AP1B1: variants seen among roughly 807,000 people sequenced by gnomAD.
AP1B1 encodes the protein AP-1 complex subunit beta-1.
In AP1B1, 36 loss-of-function variants were observed where a neutral mutation model predicts 104.3. The observed-to-expected ratio is 0.35, with a 90% CI of 0.26 to 0.46. The LOEUF is 0.46. AP1B1 is among the 20% of genes least tolerant of loss of function. The probability of loss-of-function intolerance (pLI) is 1.00; values close to 1 mark genes in which losing one functional copy is unlikely to be tolerated. For synonymous variants in AP1B1, 504 were observed against 517.5 expected, an observed-to-expected ratio of 0.97 and a Z score of 0.35; for missense variants, 901 against 1,247.9, an observed-to-expected ratio of 0.72 and a Z score of 4.19.
At chr22:29,345,464 C>G (rs2061778381) in intron 11 of AP1B1, among the ~76,000 whole-genome samples, 1 of 147,826 alleles carries the variant, frequency 6.8e-6, no homozygotes, top group African/African-American at 2.5e-5. Context: ...CTCAACTTCC[C>G]AGGCTCAAGC....
chr22:29,350,427 C>T (rs1221393154), intron 9 of AP1B1, among the ~76,000 whole-genome samples: 1 of 152,136 alleles, frequency 6.6e-6, no homozygotes, highest in East Asian at 1.9e-4. Context: ...TAAGTCAGGA[C>T]CTGAGGGCAA....
intron 1 of AP1B1, among the ~76,000 whole-genome samples, chr22:29,368,951 A>C (rs916219572): frequency 2.6e-5 from 4 of 151,956 alleles, no homozygotes; most frequent in African/African-American, 7.3e-5. Flanking sequence ...CAAAAAAAAA[A>C]CACATTGAGA....
intron 22 of AP1B1, 87 bp downstream of exon 22, chr22:29,329,625 C>T (rs2061526902): frequency 2.1e-5 from 34 of 1,595,290 alleles, no homozygotes; most frequent in Non-Finnish European, 2.8e-5. Flanking sequence ...AGATGAGGTG[C>T]AGACAGGAGA....
chr22:29,336,594 G>A (rs1031164612), intron 16 of AP1B1, among the ~76,000 whole-genome samples: 1 of 152,152 alleles, frequency 6.6e-6, no homozygotes, highest in African/African-American at 2.4e-5. Context: ...CTGAGGTCAC[G>A]AGTTCAAGAC....
intron 11 of AP1B1, among the ~76,000 whole-genome samples, chr22:29,343,324 C>T (rs1034346696): frequency 5.3e-5 from 8 of 152,184 alleles, no homozygotes; most frequent in Non-Finnish European, 8.8e-5. Context: ...GCAGGAAGCC[C>T]AGCAGCAGCC....
At chr22:29,373,576 AAGAGCCAAG>A (rs2062278185) in intron 1 of AP1B1, among the ~76,000 whole-genome samples, 1 of 152,118 alleles carries the variant, frequency 6.6e-6, no homozygotes, top group African/African-American at 2.4e-5. Context: ...CTGTACACTT[AAGAGCCAAG>A]CATGTCACTT....
At chr22:29,329,846 G>A (rs2061530648) in intron 21 of AP1B1, 126 bp from the exon 22 acceptor site, 2 of 1,526,282 alleles carry the variant, frequency 1.3e-6, no homozygotes, top group Non-Finnish European at 1.8e-6. Context: ...ACCCAGGAGG[G>A]GCAGTGTCTG....
chr22:29,381,563 G>T (rs983794520), intron 1 of AP1B1, among the ~76,000 whole-genome samples: 2 of 152,190 alleles, frequency 1.3e-5, no homozygotes, highest in Non-Finnish European at 2.9e-5. Context: ...AGATACATCT[G>T]CTCTGATTGT....
intron 1 of AP1B1, chr22:29,370,466 A>AAAAAAAAAGAAAGAAAG (rs532561379): frequency 6.7e-6 from 1 of 149,876 alleles, no homozygotes; most frequent in South Asian, 2.1e-4. Flanking sequence ...AAAAAAAAAA[A>AAAAAAAAAGAAAGAAAG]AAAGAAAGAA....
In AP1B1 at chr22:29,339,001, C is replaced by T. The variant is rs958569849; in HGVS notation, c.2152G>A (p.Ala718Thr). The part of the protein sequence containing the change: ...GVGTLSGSYV[A>T]PKAVWLPAMK... The stretch of plus-strand genomic sequence containing the variant: ...GACAAGTGACTTACTGCTTTGGGGG[C>T]CACATATGATCCTGACAGGGTGCCC... Residue 718 changes from alanine to threonine, a missense_variant, in exon 16 of 23, where the codon GCC (alanine) becomes ACC (threonine). Coordinates refer to ENST00000357586, the MANE Select transcript of AP1B1 (RefSeq NM_001127.4). 6 of 1,614,152 alleles carry T rather than the reference C, an allele frequency of 3.7e-6. No homozygotes were observed. The highest frequency in any genetic ancestry group is 5.1e-6 in the Non-Finnish European group (6 of 1,180,034).
intron 6 of AP1B1, among the ~76,000 whole-genome samples, chr22:29,355,232 G>A (rs2147991926): frequency 6.6e-6 from 1 of 150,564 alleles, no homozygotes; most frequent in East Asian, 2.0e-4. Context: ...GTGAGACCCT[G>A]TCTCGAAAAA....
chr22:29,356,196 C>T (rs2061954913), intron 6 of AP1B1, among the ~76,000 whole-genome samples: 1 of 152,254 alleles, frequency 6.6e-6, no homozygotes, highest in South Asian at 2.1e-4. Context: ...TCTGCCAGCT[C>T]CAAGGCCAGG....
At chr22:29,378,810 G>A (rs1323584304) in intron 1 of AP1B1, among the ~76,000 whole-genome samples, 1 of 145,610 alleles carries the variant, frequency 6.9e-6, no homozygotes, top group Non-Finnish European at 1.5e-5. Flanking sequence ...AGTGAGCTGA[G>A]ATCGTGTCAC....
At chr22:29,334,089 A>G (rs2061602004) in intron 17 of AP1B1, among the ~76,000 whole-genome samples, 176 bp downstream of exon 17, 1 of 151,948 alleles carries the variant, frequency 6.6e-6, no homozygotes, top group African/African-American at 2.4e-5. Flanking sequence ...AACAAACAAA[A>G]CCCAGTGCTT....
chr22:29,338,901 T>G (rs936516636), intron 16 of AP1B1, 89 bp downstream of exon 16: 7 of 1,552,432 alleles, frequency 4.5e-6, no homozygotes, highest in African/African-American at 4.1e-5. Context: ...CCTGAGCCAA[T>G]TCCACAGCCG....
At chr22:29,369,812 C>A (rs2062202627) in intron 1 of AP1B1, among the ~76,000 whole-genome samples, 1 of 149,488 alleles carries the variant, frequency 6.7e-6, no homozygotes, top group African/African-American at 2.5e-5. Flanking sequence ...TTGTTTCCAA[C>A]AGGAATTTAC....
At position 29,365,354 on chromosome 22, in the gene AP1B1, T is replaced by TA. The variant is rs553264998; in HGVS notation, c.37+1852dup. ...CCACTAAAAAACCCCAACCCCAAAA[T>TA]AAAAAAAATAGCTGGGCATGGTGGC... On this transcript the variant is annotated intron_variant, in intron 2 of 22. Coordinates refer to ENST00000357586, the MANE Select transcript of AP1B1 (RefSeq NM_001127.4). Among the ~76,000 whole-genome samples the TA allele has an allele frequency of 7.2e-3, 1,090 of 151,454 alleles. 10 individuals are homozygous for TA. Among genetic ancestry groups the TA allele is most frequent in the Middle Eastern group, 0.017 (5 of 292 alleles).
Position 29,363,444 on chromosome 22 carries a change from T to C in AP1B1, c.38-338A>G, listed in dbSNP as rs564159116. ...GCAGGCGGATCACGAGGTCAGAAGA[T>C]CAAGACCATCCTGGCCAACATAGTG... On this transcript the variant is annotated intron_variant, in intron 2 of 22. Coordinates refer to ENST00000357586, the MANE Select transcript of AP1B1 (RefSeq NM_001127.4). 7.2e-5 allele frequency among the ~76,000 whole-genome samples: 11 copies of C among 152,014 alleles called. 1 individual carries two copies.
At chr22:29,372,728 C>T (rs2062261747) in intron 1 of AP1B1, among the ~76,000 whole-genome samples, 1 of 152,074 alleles carries the variant, frequency 6.6e-6, no homozygotes. Context: ...ATTTTGTCTT[C>T]ATATATCTAA....
Sources: gnomAD v4.1 joint callset for allele counts (sites outside exome capture counted in the v4.1 genomes callset) on GRCh38, gnomAD v4.1.1 for gene constraint, MANE v1.5 for transcripts, NCBI Gene and HGNC (gene_info 2026-07-23, HGNC 2026-07-21) for gene names.